NEK10: variants seen among roughly 807,000 people sequenced by gnomAD.
The protein encoded by NEK10 is serine/threonine-protein kinase Nek10.
In NEK10, 122 loss-of-function variants were observed where a neutral mutation model predicts 159.8. That is an observed-to-expected ratio of 0.76 (90% CI 0.66 to 0.89). The LOEUF is 0.89. NEK10 is among the 40% of genes least tolerant of loss of function. The probability of loss-of-function intolerance (pLI) is 0.00; values close to 1 mark genes in which losing one functional copy is unlikely to be tolerated. For synonymous variants in NEK10, 466 were observed against 457.1 expected (o/e 1.02, Z -0.25); for missense variants, 1,342 against 1,323.1 (o/e 1.01, Z -0.22).
At chr3:27,205,753 C>A (rs1381032041) in intron 23 of NEK10, among the ~76,000 whole-genome samples, 4 of 131,970 alleles carry the variant, frequency 3.0e-5, no homozygotes, top group Admixed American at 7.9e-5. Flanking sequence ...ACCATAAAAA[C>A]CCTAGAAGAA....
At chr3:27,333,513 G>A (rs892141536) in intron 5 of NEK10, among the ~76,000 whole-genome samples, 4 of 149,604 alleles carry the variant, frequency 2.7e-5, no homozygotes, top group African/African-American at 7.4e-5. Context: ...ATCATTGCAC[G>A]CCAGCCTGGG....
intron 13 of NEK10, among the ~76,000 whole-genome samples, chr3:27,298,173 C>A (rs1286962383): frequency 1.3e-5 from 2 of 152,110 alleles, no homozygotes; most frequent in Non-Finnish European, 2.9e-5. Context: ...TGTCCCCACC[C>A]AAATCTCATC....
intron 5 of NEK10, among the ~76,000 whole-genome samples, chr3:27,331,237 C>CAAAAAAAAAAAACAA (rs397972389): frequency 2.4e-4 from 7 of 29,564 alleles, no homozygotes; most frequent in African/African-American, 4.1e-4. Flanking sequence ...GACTCTGTCT[C>CAAAAAAAAAAAACAA]AAAAAAAAAA....
intron 5 of NEK10, among the ~76,000 whole-genome samples, chr3:27,341,295 C>T (rs779281667): frequency 1.2e-4 from 18 of 152,056 alleles, no homozygotes; most frequent in Non-Finnish European, 8.8e-5. Flanking sequence ...ACAGCAGAAT[C>T]GCGTGACTAT....
rs148968429 is a variant in NEK10 at position 27,146,981 on chromosome 3, C to T, written c.2870-5399G>A. On this transcript the variant is annotated intron_variant, in intron 30 of 35. Coordinates refer to ENST00000691995, the MANE Select transcript of NEK10 (RefSeq NM_001394966.1). ...TGGAGAGGTAGCCAGGGACCATACA[C>T]GATGGTGAGAAACAATAAGGCTGAC... Among the ~76,000 whole-genome samples, 15 of 152,230 alleles carry T rather than the reference C, an allele frequency of 9.9e-5. No individual in the cohort carries two copies. In the East Asian group the frequency reaches 2.5e-3, roughly 25 times the overall value.
intron 29 of NEK10, among the ~76,000 whole-genome samples, chr3:27,168,966 A>G (rs1160653992): frequency 6.6e-6 from 1 of 152,216 alleles, no homozygotes; most frequent in Non-Finnish European, 1.5e-5. Flanking sequence ...GTTAATGACT[A>G]GCTTTTTAAA....
chr3:27,224,643 CT>C (rs1216671227), intron 23 of NEK10, among the ~76,000 whole-genome samples: 2 of 151,984 alleles, frequency 1.3e-5, no homozygotes, highest in Non-Finnish European at 2.9e-5. Flanking sequence ...ATTTGCTGTC[CT>C]TCCTTCCCTT....
chr3:27,235,608 A>G (rs1438396831), intron 23 of NEK10, among the ~76,000 whole-genome samples: 2 of 152,190 alleles, frequency 1.3e-5, no homozygotes, highest in Non-Finnish European at 2.9e-5. Flanking sequence ...AAGTCAAAAA[A>G]TAACAGATGC....
intron 19 of NEK10, among the ~76,000 whole-genome samples, chr3:27,288,304 C>A (rs1282940432): frequency 6.6e-6 from 1 of 152,194 alleles, no homozygotes; most frequent in African/African-American, 2.4e-5. Flanking sequence ...TCCTACTTAA[C>A]CAAGCTTTAG....
At chr3:27,121,809 G>T (rs1188538792) in intron 32 of NEK10, among the ~76,000 whole-genome samples, 1 of 152,120 alleles carries the variant, frequency 6.6e-6, no homozygotes, top group Non-Finnish European at 1.5e-5. Flanking sequence ...ATGTAATGTG[G>T]CCGTACAAAG....
intron 23 of NEK10, among the ~76,000 whole-genome samples, chr3:27,225,468 C>T (rs1046306447): frequency 7.9e-5 from 12 of 151,990 alleles, no homozygotes; most frequent in African/African-American, 2.7e-4. Flanking sequence ...CCCCTCTTTT[C>T]TTTAATCCTT....
At chr3:27,360,750 T>C (rs2048628395) in intron 1 of NEK10, among the ~76,000 whole-genome samples, 4 of 152,170 alleles carry the variant, frequency 2.6e-5, no homozygotes, top group Admixed American at 2.6e-4. Context: ...GTAGGTGGTG[T>C]GTTTTAATCA....
chr3:27,166,883 C>A (rs1408029293), intron 29 of NEK10, among the ~76,000 whole-genome samples: 1 of 152,018 alleles, frequency 6.6e-6, no homozygotes, highest in Admixed American at 6.5e-5. Context: ...CCGCTGGAAC[C>A]CAGCAGGCCG....
intron 19 of NEK10, 29 bp from the exon 20 acceptor site, chr3:27,287,772 T>C: frequency 1.3e-6 from 2 of 1,502,748 alleles, no homozygotes; most frequent in Non-Finnish European, 1.8e-6. Flanking sequence ...CAAACATGTA[T>C]TGCACTGCTT....
At position 27,110,524 on chromosome 3, in the gene NEK10, T is replaced by C. The variant is rs1273446042; in HGVS notation, c.*748A>G. 2.0e-5 allele frequency: 3 copies of C among 152,160 alleles called. No individual in the cohort carries two copies. Among genetic ancestry groups the C allele is most frequent in the Non-Finnish European group, 4.4e-5 (3 of 68,016 alleles). The allele number at this position is 152,160 out of a possible 1,614,324, so 9.4% of individuals were successfully genotyped here. On this transcript the variant is annotated 3_prime_UTR_variant, in exon 36 of 36. Coordinates refer to ENST00000691995, the MANE Select transcript of NEK10 (RefSeq NM_001394966.1). ...TTTGATTAGCAGCAAAGCATTAGTCTAATCAAAACCTCTCTCCTTCCGCCC... is the reference window on the plus strand; with the variant it reads ...TTTGATTAGCAGCAAAGCATTAGTCCAATCAAAACCTCTCTCCTTCCGCCC...
intron 29 of NEK10, among the ~76,000 whole-genome samples, chr3:27,170,714 G>A (rs1366824533): frequency 1.3e-5 from 2 of 152,088 alleles, no homozygotes; most frequent in Non-Finnish European, 2.9e-5. Context: ...GACAGAGCAA[G>A]ATTCTATCTC....
In NEK10 at chr3:27,344,271, C is replaced by G; in HGVS notation, c.362+1G>C. The G allele has an allele frequency of 6.7e-7, 1 of 1,491,418 alleles. No homozygotes were observed. Among genetic ancestry groups the G allele is most frequent in the Non-Finnish European group, 9.3e-7 (1 of 1,074,820 alleles). 92.4% of individuals were successfully genotyped at this position (1,491,418 alleles called of 1,614,324 possible). A position where few individuals can be genotyped will look rare whatever the true frequency, so the allele number is the denominator to read the frequency against. On this transcript the variant is annotated splice_donor_variant, in intron 5 of 35. Coordinates refer to ENST00000691995, the MANE Select transcript of NEK10 (RefSeq NM_001394966.1). LOFTEE classifies it high-confidence loss of function. ...AGCCTGTTTTCCAGGAACAATCTTACCTGCTTATGAGTCTATTTTTCACCA... is the reference window on the plus strand; with the variant it reads ...AGCCTGTTTTCCAGGAACAATCTTAGCTGCTTATGAGTCTATTTTTCACCA...
intron 26 of NEK10, among the ~76,000 whole-genome samples, chr3:27,181,390 A>G (rs770206363): frequency 1.1e-4 from 17 of 152,076 alleles, no homozygotes; most frequent in Admixed American, 3.9e-4. Flanking sequence ...CTATTCATTA[A>G]GTGGAAGTGG....
At chr3:27,190,263 C>A (rs1948996666) in intron 26 of NEK10, among the ~76,000 whole-genome samples, 1 of 152,062 alleles carries the variant, frequency 6.6e-6, no homozygotes, top group Admixed American at 6.6e-5. Flanking sequence ...CTGGCGATAG[C>A]CTGAAATCTA....
Sources: allele counts gnomAD v4.1 joint callset (sites outside exome capture counted in the v4.1 genomes callset), GRCh38; gene constraint gnomAD v4.1.1; transcripts MANE v1.5; gene names NCBI Gene and HGNC (gene_info 2026-07-23, HGNC 2026-07-21).